The following C9orf72 variants were observed in gnomAD, a reference collection of about 807,000 sequenced individuals.
The protein encoded by C9orf72 is guanine nucleotide exchange factor C9orf72.
C9orf72 carries 44 observed loss-of-function variants against 51.6 expected under a neutral mutation model. The ratio of observed to expected loss-of-function variants is 0.85; its 90% CI spans 0.67 to 1.10. The LOEUF (loss-of-function observed/expected upper bound fraction) is 1.10. C9orf72 is among the 50% of genes least tolerant of loss of function. The probability of loss-of-function intolerance (pLI) is 0.00; values close to 1 mark genes in which losing one functional copy is unlikely to be tolerated. For missense variants in C9orf72, 607 were observed against 570.6 expected (o/e 1.06, Z -0.65); for synonymous variants, 213 against 194.2 (o/e 1.10, Z -0.81).
chr9:27,560,170 T>C, intron 6 of C9orf72, 57 bp downstream of exon 6: 2 of 1,134,396 alleles, frequency 1.8e-6, no homozygotes, highest in Non-Finnish European at 2.6e-6. Context: ...TGACAATCCA[T>C]GATATATCAT....
intron 7 of C9orf72, among the ~76,000 whole-genome samples, chr9:27,557,391 G>A (rs1294029028): frequency 6.6e-6 from 1 of 152,118 alleles, no homozygotes; most frequent in East Asian, 1.9e-4. Flanking sequence ...ACTGTGCTAT[G>A]AACAGAACAG....
At chr9:27,555,338 G>A (rs896863855) in intron 8 of C9orf72, among the ~76,000 whole-genome samples, 2 of 152,028 alleles carry the variant, frequency 1.3e-5, no homozygotes, top group Non-Finnish European at 2.9e-5. Flanking sequence ...ATAAGGCTGG[G>A]GGTCCCTTGA....
Position 27,548,654 on chromosome 9 carries a change from T to G in C9orf72, c.1162A>C (p.Lys388Gln). 1 of 1,605,244 alleles carries G rather than the reference T, an allele frequency of 6.2e-7. No homozygotes were observed. Among genetic ancestry groups the G allele is most frequent in the Non-Finnish European group, 8.5e-7 (1 of 1,172,026 alleles). Residue 388 changes from lysine (K) to glutamine (Q), a missense_variant, in exon 10 of 11, where the codon AAA becomes CAA. Coordinates refer to ENST00000380003, the MANE Select transcript of C9orf72 (RefSeq NM_018325.5). The stretch of plus-strand genomic sequence containing the variant: ...GTACTTCTGAGAGATAAGCCAGGTT[T>G]CAGCTGAAAGACCTGCAGGGAGAGG... ...KAFLDQVFQL[K>Q]PGLSLRSTFL... is the part of the protein sequence containing the mutation.
intron 1 of C9orf72, among the ~76,000 whole-genome samples, chr9:27,569,984 T>C (rs953167642): frequency 3.9e-5 from 6 of 152,098 alleles, no homozygotes; most frequent in Admixed American, 2.6e-4. Flanking sequence ...GCTTTTATCA[T>C]ATTATGAGTA....
chr9:27,567,242 A>G (rs1025538231), intron 1 of C9orf72, 78 bp from the exon 2 acceptor site: 4 of 858,188 alleles, frequency 4.7e-6, no homozygotes, highest in African/African-American at 1.7e-5. Context: ...TGATTTAGAC[A>G]TATTTGGTTT....
At chr9:27,549,933 A>G (rs981159831) in intron 9 of C9orf72, among the ~76,000 whole-genome samples, 11 of 151,764 alleles carry the variant, frequency 7.2e-5, no homozygotes, top group Non-Finnish European at 1.2e-4. Flanking sequence ...TAGAAAGACC[A>G]GACACTACAA....
chr9:27,551,670 G>A (rs1039399250), intron 8 of C9orf72, among the ~76,000 whole-genome samples: 4 of 152,174 alleles, frequency 2.6e-5, no homozygotes, highest in East Asian at 1.9e-4. Flanking sequence ...TTAGCATTTC[G>A]TCATTATTGA....
At position 27,556,789 on chromosome 9, in the gene C9orf72, G is replaced by A; in HGVS notation, c.863C>T (p.Thr288Ile). The change falls in exon 8 of 11, where the codon ACT becomes ATT. Residue 288 changes from threonine to isoleucine, a missense_variant. Coordinates refer to ENST00000380003, the MANE Select transcript of C9orf72 (RefSeq NM_018325.5). ...CCGGAAAGGCAGCACAAAGCTTCCA[G>A]TTGAATCCTGTCAAAATAAAAGGAA... ...LFVQGLLKDS[T>I]GSFVLPFRQV... is the part of the protein sequence containing the mutation. 1 of 1,606,160 alleles carries A rather than the reference G, an allele frequency of 6.2e-7. No individual in the cohort carries two copies. Among genetic ancestry groups the A allele is most frequent in the Non-Finnish European group, 8.5e-7 (1 of 1,172,988 alleles).
At chr9:27,550,238 A>G (rs1820879278) in intron 9 of C9orf72, among the ~76,000 whole-genome samples, 1 of 151,250 alleles carries the variant, frequency 6.6e-6, no homozygotes, top group Admixed American at 6.6e-5. Context: ...TAGTACAAGC[A>G]TTGCAGGATA....
intron 2 of C9orf72, among the ~76,000 whole-genome samples, 196 bp downstream of exon 2, chr9:27,566,481 G>A (rs571282503): frequency 3.3e-5 from 5 of 152,152 alleles, no homozygotes; most frequent in South Asian, 2.1e-4. Flanking sequence ...CTACCATTTC[G>A]TACCTTCCAC....
chr9:27,550,717 A>G lies in C9orf72; in HGVS notation c.1092-10T>C, dbSNP rs759924991. ...ATCTTGAAAAATATTCCTGAAGAAA[A>G]GAAGAAAATGAAGAAAAGAAAAAAG... is the stretch of plus-strand genomic sequence containing the variant. On this transcript the variant is annotated splice_polypyrimidine_tract_variant and intron_variant, in intron 8 of 10. Transcript: ENST00000380003. 1.9e-6 allele frequency: 3 copies of G among 1,554,554 alleles called. No individual in the cohort carries two copies. Among genetic ancestry groups the G allele is most frequent in the South Asian group, 2.3e-5 (2 of 85,284 alleles).
chr9:27,564,131 T>C (rs1041630904), intron 3 of C9orf72, among the ~76,000 whole-genome samples: 4 of 122,730 alleles, frequency 3.3e-5, no homozygotes, highest in African/African-American at 1.3e-4. Flanking sequence ...AGTGAATGAA[T>C]AGCCTCACTG....
At chr9:27,551,937 C>G (rs1313379030) in intron 8 of C9orf72, among the ~76,000 whole-genome samples, 1 of 152,196 alleles carries the variant, frequency 6.6e-6, no homozygotes, top group East Asian at 1.9e-4. Context: ...CGTTTTGCGG[C>G]TATTGTGAAT....
intron 3 of C9orf72, 56 bp from the exon 4 acceptor site, chr9:27,562,532 G>A: frequency 4.8e-6 from 4 of 834,480 alleles, no homozygotes; most frequent in Admixed American, 2.8e-5. Context: ...GAGAAGCTGG[G>A]CAATAAAAAA....
Position 27,550,634 on chromosome 9 carries a change from C to G in C9orf72, c.1149+16G>C, listed in dbSNP as rs1340231184. 1 of 1,525,722 alleles carries G rather than the reference C, an allele frequency of 6.6e-7. No homozygotes were observed. Among genetic ancestry groups the G allele is most frequent in the African/African-American group, 1.4e-5 (1 of 72,514 alleles). 94.5% of individuals were successfully genotyped at this position (1,525,722 alleles called of 1,614,324 possible). A position where few individuals can be genotyped will look rare whatever the true frequency, so the allele number is the denominator to read the frequency against. ...GTCATATCATTCACTCTGACAATCT[C>G]AAGTTCAACATTTACCTGATCCAGG... On this transcript the variant is annotated intron_variant, in intron 9 of 10. Transcript: ENST00000380003.
chr9:27,558,720 A>G (rs1819270093), intron 6 of C9orf72, 113 bp from the exon 7 acceptor site: 3 of 598,036 alleles, frequency 5.0e-6, no homozygotes, highest in Admixed American at 3.2e-5. Flanking sequence ...ATCCTAAGAA[A>G]TAAGTATTCT....
At chr9:27,550,000 G>C (rs1820873264) in intron 9 of C9orf72, among the ~76,000 whole-genome samples, 1 of 150,512 alleles carries the variant, frequency 6.6e-6, no homozygotes, top group Admixed American at 6.6e-5. Flanking sequence ...TTTTATAAAT[G>C]TTAAAATATA....
chr9:27,567,744 C>T (rs1050791803), intron 1 of C9orf72, among the ~76,000 whole-genome samples: 9 of 152,018 alleles, frequency 5.9e-5, no homozygotes, highest in African/African-American at 2.2e-4. Flanking sequence ...AATCCAATAA[C>T]TGCTGTGTTT....
At position 27,558,522 on chromosome 9, in the gene C9orf72, T is replaced by C. The variant is rs775575174; in HGVS notation, c.824A>G (p.Glu275Gly). 1.2e-6 allele frequency: 2 copies of C among 1,604,992 alleles called. No individual in the cohort carries two copies. The highest frequency in any genetic ancestry group is 4.5e-5 in the East Asian group (2 of 44,736). The change falls in exon 7 of 11, where the codon GAG (glutamate) becomes GGG (glycine). Residue 275 changes from glutamate to glycine, a missense_variant. Transcript: ENST00000380003. ...CAGGCCTTGTACAAAGAGCCCTGACTCATATTTAAATGATGATTCTGCTTC... is the reference window on the plus strand; with the variant it reads ...CAGGCCTTGTACAAAGAGCCCTGACCCATATTTAAATGATGATTCTGCTTC... Reference protein sequence around the residue: ...LCEAESSFKYESGLFVQGLLK... With the variant: ...LCEAESSFKYGSGLFVQGLLK...
Sources: gnomAD v4.1 joint callset for allele counts (sites outside exome capture counted in the v4.1 genomes callset) on GRCh38, gnomAD v4.1.1 for gene constraint, MANE v1.5 for transcripts, NCBI Gene and HGNC (gene_info 2026-07-23, HGNC 2026-07-21) for gene names.